Variants in ZNF626 observed in about 807,000 individuals in gnomAD.
ZNF626 encodes zinc finger protein 626, also known as CTC-513N18.7.
In ZNF626, 4 loss-of-function variants were observed where a neutral mutation model predicts 11.7. That is an observed-to-expected ratio of 0.34 (90% confidence interval 0.17 to 0.78). ZNF626 has a LOEUF of 0.78. ZNF626 is among the 30% of genes least tolerant of loss of function. ZNF626 has a pLI of 0.57. For missense variants in ZNF626, 588 were observed against 587.1 expected (o/e 1.00, Z -0.01); for synonymous variants, 179 against 198.6 (o/e 0.90, Z 0.83).
chr19:20,640,629 C>A (rs1555771334), intron 3 of ZNF626, among the ~76,000 whole-genome samples: 1 of 146,072 alleles, frequency 6.8e-6, no homozygotes, highest in South Asian at 2.2e-4. Flanking sequence ...TTTGAAAGGA[C>A]ACAGAAAATT....
chr19:20,642,432 G>A (rs1412997094), intron 3 of ZNF626, among the ~76,000 whole-genome samples: 2 of 152,002 alleles, frequency 1.3e-5, no homozygotes, highest in East Asian at 1.9e-4. Flanking sequence ...ACACCATCTC[G>A]AATAATAATG....
At chr19:20,639,190 A>T (rs976117971) in intron 3 of ZNF626, among the ~76,000 whole-genome samples, 1 of 152,188 alleles carries the variant, frequency 6.6e-6, no homozygotes. Flanking sequence ...CTTTTTGGTT[A>T]CCAAGAAAAT....
intron 3 of ZNF626, among the ~76,000 whole-genome samples, chr19:20,643,477 G>C (rs1970044697): frequency 6.6e-6 from 1 of 151,916 alleles, no homozygotes; most frequent in Admixed American, 6.6e-5. Context: ...CATAAATATG[G>C]AGTGCTTACT....
At chr19:20,643,209 G>A (rs1021831865) in intron 3 of ZNF626, among the ~76,000 whole-genome samples, 7 of 151,904 alleles carry the variant, frequency 4.6e-5, no homozygotes, top group African/African-American at 1.2e-4. Context: ...TTCTTTTTAT[G>A]TTTTAAATAT....
rs1969822873 is a variant in ZNF626, at chr19:20,625,728, G to C, written c.227-78C>G. The C allele has an allele frequency of 2.9e-6, 4 of 1,372,324 alleles. No homozygotes were observed. The South Asian group carries it at 6.9e-5, about 24-fold the overall frequency. The allele number at this position is 1,372,324 out of a possible 1,614,324, so 85.0% of individuals were successfully genotyped here. On this transcript the variant is annotated intron_variant, in intron 3 of 3. Transcript: ENST00000601440. ...TAAATATATATATGCAGTTTGTATA[G>C]TTTTATACAAACTACATAAGCAAGA...
At chr19:20,645,157 A>C in intron 3 of ZNF626, 6 of 918,330 alleles carry the variant, frequency 6.5e-6, no homozygotes, top group Non-Finnish European at 8.4e-6. Flanking sequence ...ATCATGAGGA[A>C]AATAACAAAG....
rs940824821 is a variant in ZNF626, at chr19:20,622,347, A to G, written c.*1943T>C. 1.3e-5 allele frequency: 2 copies of G among 152,190 alleles called. No homozygotes were observed. The highest frequency in any genetic ancestry group is 6.5e-5 in the Admixed American group (1 of 15,278). The allele number at this position is 152,190 out of a possible 1,614,324, so 9.4% of individuals were successfully genotyped here. On this transcript the variant is annotated 3_prime_UTR_variant, in exon 4 of 4. Coordinates refer to ENST00000601440, the MANE Select transcript of ZNF626 (RefSeq NM_001076675.3). ...TCTTTCTCTCAGTATAATGTAGAAA[A>G]GTATTACTCTGAACACCTACCTTAA... is the stretch of plus-strand genomic sequence containing the variant.
At chr19:20,640,575 C>G (rs1439176364) in intron 3 of ZNF626, among the ~76,000 whole-genome samples, 1 of 146,714 alleles carries the variant, frequency 6.8e-6, no homozygotes. Context: ...TAGAAATGGA[C>G]AAATGAAATT....
intron 3 of ZNF626, among the ~76,000 whole-genome samples, chr19:20,631,981 T>C (rs553470283): frequency 6.6e-6 from 1 of 151,898 alleles, no homozygotes; most frequent in Non-Finnish European, 1.5e-5. Flanking sequence ...TAGGGCAGAC[T>C]TGGTGGTGAC....
intron 3 of ZNF626, among the ~76,000 whole-genome samples, chr19:20,629,369 G>A (rs1199245665): frequency 2.4e-4 from 36 of 152,116 alleles, no homozygotes; most frequent in Non-Finnish European, 3.2e-4. Context: ...AAATTACCCT[G>A]GGCTGTATGG....
At chr19:20,633,915 A>T (rs1555770668) in intron 3 of ZNF626, among the ~76,000 whole-genome samples, 1 of 152,176 alleles carries the variant, frequency 6.6e-6, no homozygotes, top group Non-Finnish European at 1.5e-5. Context: ...AGCTGTTCCT[A>T]TTCGGCCATC....
intron 3 of ZNF626, among the ~76,000 whole-genome samples, chr19:20,629,614 T>C (rs1488306274): frequency 3.9e-4 from 60 of 152,338 alleles, no homozygotes; most frequent in South Asian, 1.0e-3. Flanking sequence ...CTTGTGATTT[T>C]TGTACATTGA....
At chr19:20,637,362 G>C (rs1969977659) in intron 3 of ZNF626, among the ~76,000 whole-genome samples, 1 of 151,660 alleles carries the variant, frequency 6.6e-6, no homozygotes, top group Non-Finnish European at 1.5e-5. Context: ...GTGCACACCT[G>C]TAATCCCAGC....
At chr19:20,660,227 C>A (rs1970249459) in intron 1 of ZNF626, among the ~76,000 whole-genome samples, 1 of 138,228 alleles carries the variant, frequency 7.2e-6, no homozygotes, top group Non-Finnish European at 1.5e-5. Context: ...CTGGGCACCA[C>A]AAGCGACACT....
rs547015034 is a variant in ZNF626 at position 20,624,137 on chromosome 19, T to A, written c.*153A>T. 2.6e-5 allele frequency: 33 copies of A among 1,251,318 alleles called. 1 individual carries two copies. In the South Asian group the frequency reaches 3.8e-4, roughly 15 times the overall value. 77.5% of individuals were successfully genotyped at this position (1,251,318 alleles called of 1,614,324 possible). A position where few individuals can be genotyped will look rare whatever the true frequency, so the allele number is the denominator to read the frequency against. ...CCAGTATGAAATCTCTTATGTGTAG[T>A]AAGTTTAGAGGAGTGCTTAAAGGCT... On this transcript the variant is annotated 3_prime_UTR_variant, in exon 4 of 4. Transcript: ENST00000601440.
At chr19:20,635,703 TAC>T (rs1969958667) in intron 3 of ZNF626, among the ~76,000 whole-genome samples, 6 of 152,200 alleles carry the variant, frequency 3.9e-5, no homozygotes, top group Admixed American at 3.9e-4. Context: ...CTAAAAGAGA[TAC>T]AGAGTAATTA....
intron 3 of ZNF626, among the ~76,000 whole-genome samples, chr19:20,636,964 T>C (rs1599478693): frequency 1.5e-5 from 2 of 131,260 alleles, no homozygotes; most frequent in African/African-American, 3.0e-5. Context: ...GCGACTGTAA[T>C]GAGCCAAAAT....
intron 3 of ZNF626, among the ~76,000 whole-genome samples, chr19:20,640,586 T>C (rs1158253102): frequency 6.7e-6 from 1 of 150,332 alleles, no homozygotes; most frequent in Non-Finnish European, 1.5e-5. Flanking sequence ...AAATGAAATT[T>C]TTATTAGAAA....
intron 3 of ZNF626, among the ~76,000 whole-genome samples, chr19:20,637,947 C>T (rs1438204357): frequency 3.3e-5 from 5 of 152,148 alleles, no homozygotes. Flanking sequence ...CAAGACCAGC[C>T]TGGGCAACAT....
Sources: allele counts gnomAD v4.1 joint callset (sites outside exome capture counted in the v4.1 genomes callset), GRCh38; gene constraint gnomAD v4.1.1; transcripts MANE v1.5; gene names NCBI Gene and HGNC (gene_info 2026-07-23, HGNC 2026-07-21).